ELOVL5: variants seen among roughly 807,000 people sequenced by gnomAD.
ELOVL5 encodes the protein very long chain fatty acid elongase 5.
A neutral mutation model predicts 38.6 loss-of-function variants in ELOVL5; 8 were observed. That is an observed-to-expected ratio of 0.21 (90% CI 0.12 to 0.37). The LOEUF (loss-of-function observed/expected upper bound fraction) is 0.37, where lower values mean the gene tolerates loss of function less well. Among genes scored for constraint, ELOVL5 ranks in the 10% least tolerant of loss-of-function variants. The pLI is 1.00. For synonymous variants in ELOVL5, 127 were observed against 133.7 expected (o/e 0.95, Z 0.34); for missense variants, 280 against 367.8 (o/e 0.76, Z 1.95).
chr6:53,309,650 T>C (rs209485), intron 1 of ELOVL5, among the ~76,000 whole-genome samples: 62,626 of 152,014 alleles, frequency 0.41, 15,386 homozygotes, highest in East Asian at 0.58. Context: ...AGGGATGGTA[T>C]GTCGCTTCTG....
chr6:53,293,220 C>A (rs538478148), intron 2 of ELOVL5, among the ~76,000 whole-genome samples: 193 of 152,288 alleles, frequency 1.3e-3, no homozygotes, highest in African/African-American at 4.0e-3. Flanking sequence ...GCTCACAACT[C>A]CAGAACATGA....
Position 53,273,237 on chromosome 6 carries a change from T to A in ELOVL5, c.604A>T (p.Ile202Phe). The change falls in exon 6 of 8, where the codon ATC (isoleucine) becomes TTC (phenylalanine). Residue 202 changes from isoleucine to phenylalanine, a missense_variant. Around this residue, in one of 3 missense-constraint regions of ELOVL5, gnomAD observed 125 missense variants for 158.9 expected, o/e 0.79. Coordinates refer to ENST00000304434, the MANE Select transcript of ELOVL5 (RefSeq NM_021814.5). ...MRPYLWWKKY[I>F]TQGQLLQFVL... ...TCACTCACCAGCTGCCCCTGAGTGATGTACTTCTTCCACCAGAGGTATGGA... is the reference window on the plus strand; with the variant it reads ...TCACTCACCAGCTGCCCCTGAGTGAAGTACTTCTTCCACCAGAGGTATGGA... 6.2e-7 allele frequency: 1 copy of A among 1,613,774 alleles called. No individual in the cohort carries two copies. The highest frequency in any genetic ancestry group is 8.5e-7 in the Non-Finnish European group (1 of 1,179,764).
intron 1 of ELOVL5, among the ~76,000 whole-genome samples, chr6:53,314,530 C>G (rs888887774): frequency 6.6e-6 from 1 of 152,120 alleles, no homozygotes; most frequent in Non-Finnish European, 1.5e-5. Context: ...CATATATAAT[C>G]GTTTAACAAT....
At chr6:53,321,011 A>C (rs553941172) in intron 1 of ELOVL5, among the ~76,000 whole-genome samples, 1 of 152,230 alleles carries the variant, frequency 6.6e-6, no homozygotes, top group South Asian at 2.1e-4. Flanking sequence ...GGGAAAGAGC[A>C]ATTACAATGG....
chr6:53,335,931 C>T (rs796511775), intron 1 of ELOVL5, among the ~76,000 whole-genome samples: 12 of 152,266 alleles, frequency 7.9e-5, no homozygotes, highest in Middle Eastern at 3.4e-3. Context: ...GCCTGACAGA[C>T]GTATGATGAG....
chr6:53,285,732 C>T (rs943133041), intron 3 of ELOVL5, among the ~76,000 whole-genome samples: 1 of 151,838 alleles, frequency 6.6e-6, no homozygotes, highest in African/African-American at 2.4e-5. Flanking sequence ...CCTCGGCCTC[C>T]CAAGTAGCTA....
At chr6:53,279,108 A>G (rs1766260120) in intron 3 of ELOVL5, among the ~76,000 whole-genome samples, 1 of 152,198 alleles carries the variant, frequency 6.6e-6, no homozygotes, top group Non-Finnish European at 1.5e-5. Context: ...AGGTGACCTT[A>G]GCTAAGGTAT....
At chr6:53,293,863 G>A (rs538013957) in intron 2 of ELOVL5, among the ~76,000 whole-genome samples, 6 of 152,288 alleles carry the variant, frequency 3.9e-5, no homozygotes, top group East Asian at 1.9e-4. Context: ...CTATGGTCAC[G>A]GAGGGTGTTA....
At chr6:53,305,958 T>G (rs979697385) in intron 1 of ELOVL5, among the ~76,000 whole-genome samples, 3 of 151,862 alleles carry the variant, frequency 2.0e-5, no homozygotes. Flanking sequence ...TCCCGGCACC[T>G]CGGGATGCCG....
At chr6:53,272,514 G>A (rs1441585805) in intron 6 of ELOVL5, among the ~76,000 whole-genome samples, 1 of 152,176 alleles carries the variant, frequency 6.6e-6, no homozygotes, top group African/African-American at 2.4e-5. Flanking sequence ...CCCAACATGT[G>A]CTAAACACTT....
chr6:53,306,875 G>A (rs1315495528), intron 1 of ELOVL5, among the ~76,000 whole-genome samples: 1 of 152,236 alleles, frequency 6.6e-6, no homozygotes, highest in Non-Finnish European at 1.5e-5. Flanking sequence ...CTCCTTGCTG[G>A]TGGGTGAAGG....
chr6:53,310,967 T>C (rs1339425266), intron 1 of ELOVL5, among the ~76,000 whole-genome samples: 1 of 152,212 alleles, frequency 6.6e-6, no homozygotes, highest in African/African-American at 2.4e-5. Flanking sequence ...TAAAGGATTC[T>C]GCAAATTTCT....
chr6:53,321,515 C>T (rs1768303019), intron 1 of ELOVL5, among the ~76,000 whole-genome samples: 1 of 152,160 alleles, frequency 6.6e-6, no homozygotes. Context: ...TAAAGTATTT[C>T]CATGGGTGAG....
chr6:53,341,848 T>C (rs12527541), intron 1 of ELOVL5, among the ~76,000 whole-genome samples: 3,114 of 152,314 alleles, frequency 0.02, 38 homozygotes, highest in Middle Eastern at 0.048. Flanking sequence ...CACCTAACTT[T>C]CATGTACAAT....
intron 1 of ELOVL5, among the ~76,000 whole-genome samples, chr6:53,325,786 T>C (rs9474487): frequency 0.021 from 3,188 of 152,280 alleles, 125 homozygotes; most frequent in African/African-American, 0.073. Context: ...ATTGTGACAC[T>C]TGGTAGGCCG....
At chr6:53,276,351 T>A in intron 3 of ELOVL5, 95 bp from the exon 4 acceptor site, 1 of 857,148 alleles carries the variant, frequency 1.2e-6, no homozygotes, top group Non-Finnish European at 1.9e-6. Context: ...ATAATTTACC[T>A]TGGGCTGTGC....
At chr6:53,335,925 G>C (rs1239685723) in intron 1 of ELOVL5, among the ~76,000 whole-genome samples, 2 of 152,140 alleles carry the variant, frequency 1.3e-5, no homozygotes, top group Non-Finnish European at 2.9e-5. Flanking sequence ...CACTAAGCCT[G>C]ACAGACGTAT....
intron 1 of ELOVL5, among the ~76,000 whole-genome samples, chr6:53,344,228 G>C (rs867210964): frequency 2.0e-5 from 3 of 152,164 alleles, no homozygotes; most frequent in African/African-American, 7.2e-5. Flanking sequence ...ATTTCCATCT[G>C]ATCACAAAGC....
At chr6:53,312,851 C>T (rs548224635) in intron 1 of ELOVL5, among the ~76,000 whole-genome samples, 1 of 152,270 alleles carries the variant, frequency 6.6e-6, no homozygotes, top group Admixed American at 6.5e-5. Context: ...TTTTTGGCAC[C>T]TGTAACTGTA....
Sources: gnomAD v4.1 joint callset for allele counts (sites outside exome capture counted in the v4.1 genomes callset) on GRCh38, gnomAD v4.1.1 for gene constraint, gnomAD v4.1.1 regional missense constraint, MANE v1.5 for transcripts, NCBI Gene and HGNC (gene_info 2026-07-23, HGNC 2026-07-21) for gene names.